Variants in NKIRAS1 observed in about 807,000 individuals in gnomAD.
NKIRAS1 encodes the protein NF-kappa-B inhibitor-interacting Ras-like protein 1.
In NKIRAS1, 16 loss-of-function variants were observed where a neutral mutation model predicts 19.8. That is an observed-to-expected ratio of 0.81 (90% CI 0.55 to 1.23). NKIRAS1 has a LOEUF of 1.23. NKIRAS1 is among the 50% of genes most tolerant of loss of function. NKIRAS1 has a pLI of 0.00. For synonymous variants in NKIRAS1, 88 were observed against 79.0 expected (o/e 1.11, Z -0.61); for missense variants, 184 against 220.0 (o/e 0.84, Z 1.04).
At chr3:23,936,138 T>C (rs926302866) in intron 1 of NKIRAS1, among the ~76,000 whole-genome samples, 6 of 125,086 alleles carry the variant, frequency 4.8e-5, no homozygotes, top group South Asian at 2.7e-4. Context: ...GTGATAAGCA[T>C]AATAGGAGTG....
intron 1 of NKIRAS1, among the ~76,000 whole-genome samples, chr3:23,934,268 A>G (rs1705359447): frequency 6.6e-6 from 1 of 152,116 alleles, no homozygotes; most frequent in Admixed American, 6.6e-5. Context: ...ATGTCATCTC[A>G]CCTTTCCTCA....
intron 3 of NKIRAS1, among the ~76,000 whole-genome samples, chr3:23,906,646 ATTTTT>A (rs11293534): frequency 1.8e-4 from 25 of 141,176 alleles, no homozygotes; most frequent in African/African-American, 6.0e-4. Flanking sequence ...CTTCCTTATG[ATTTTT>A]TTTTTTTTTT....
chr3:23,920,785 T>C (rs1705036076), upstream of NKIRAS1: 5 of 963,582 alleles, frequency 5.2e-6, no homozygotes, highest in Non-Finnish European at 4.9e-6. Context: ...TCTTAAGTCA[T>C]ACATTTTAAT....
At chr3:23,917,898 G>C, upstream of NKIRAS1, 1 of 1,612,790 alleles carries the variant, frequency 6.2e-7, no homozygotes, top group Non-Finnish European at 8.5e-7. Context: ...TATGGAGAAA[G>C]AAGCAGTCTG....
chr3:23,905,975 ATGG>A (rs1292146044), intron 3 of NKIRAS1, among the ~76,000 whole-genome samples: 7 of 152,026 alleles, frequency 4.6e-5, no homozygotes, highest in African/African-American at 1.7e-4. Context: ...CTGGAGCAAC[ATGG>A]TGAAACCCTG....
Position 23,926,276 on chromosome 3 carries a change from G to A in NKIRAS1, c.-139-14826C>T, listed in dbSNP as rs571155774. Among the ~76,000 whole-genome samples, 28 of 152,240 alleles carry A rather than the reference G, an allele frequency of 1.8e-4. No individual in the cohort carries two copies. The highest frequency in any genetic ancestry group is 5.8e-4 in the African/African-American group (24 of 41,550). The stretch of plus-strand genomic sequence containing the variant: ...CGTGTTGGCCAGGCTGGTCTCAAAC[G>A]CCTGACCTTAGGTGATCCACCTGCC... On this transcript the variant is annotated intron_variant, in intron 1 of 4. Transcript: ENST00000421515. This position sits in a 1 kb window ranked among gnomAD's most constrained non-coding sequence, Gnocchi z 4.3.
chr3:23,923,862 G>C (rs950783681), intron 1 of NKIRAS1: 2 of 152,192 alleles, frequency 1.3e-5, no homozygotes, highest in African/African-American at 2.4e-5. Flanking sequence ...CTGCCAGTCT[G>C]TTAGGGGGAA....
Position 23,891,112 on chromosome 3 carries a change from G to A in NKIRAS1, c.*1983C>T, listed in dbSNP as rs558574812. On this transcript the variant is annotated 3_prime_UTR_variant, in exon 5 of 5. Coordinates refer to ENST00000425478, the MANE Select transcript of NKIRAS1 (RefSeq NM_020345.4). ...ACACCATATAAGAGATGAGTAGTGC[G>A]TTTTATTTTATATGCCAATCTACTT... is the stretch of plus-strand genomic sequence containing the variant. 2.6e-5 allele frequency: 4 copies of A among 152,698 alleles called. No homozygotes were observed. Among genetic ancestry groups the A allele is most frequent in the Admixed American group, 2.0e-4 (3 of 15,292 alleles). The allele number at this position is 152,698 out of a possible 1,614,324, so 9.5% of individuals were successfully genotyped here.
chr3:23,919,066 C>A (rs970915734), upstream of NKIRAS1: 3 of 654,210 alleles, frequency 4.6e-6, no homozygotes, highest in African/African-American at 1.8e-5. Flanking sequence ...GGGAGAAATG[C>A]TTAGTAAATA....
In NKIRAS1 at chr3:23,893,329, A is replaced by C. The variant is rs539918987; in HGVS notation, c.345T>G (p.Ile115Met). 1.1e-5 allele frequency: 17 copies of C among 1,612,930 alleles called. No individual in the cohort carries two copies. In the South Asian group the frequency reaches 1.8e-4, roughly 17 times the overall value. Residue 115 changes from isoleucine to methionine, a missense_variant, in exon 5 of 5, where the codon ATT becomes ATG. Ile to Met is a conservative substitution (Grantham distance 10, BLOSUM62 1). Coordinates refer to ENST00000425478, the MANE Select transcript of NKIRAS1 (RefSeq NM_020345.4). ...DKFKDKKEVA[I>M]VVLGNKIDLS... ...GGTCGATTTTGTTTCCTAATACCAC[A>C]ATTGCTACCTGAAAGAAAACGGATT...
intron 1 of NKIRAS1, among the ~76,000 whole-genome samples, chr3:23,928,438 T>C (rs1364844904): frequency 6.6e-6 from 1 of 152,020 alleles, no homozygotes; most frequent in Non-Finnish European, 1.5e-5. Flanking sequence ...TAATTTACAT[T>C]CTTAATTCTG....
chr3:23,919,480 C>G (rs145762035), upstream of NKIRAS1: 17 of 1,584,148 alleles, frequency 1.1e-5, no homozygotes, highest in East Asian at 6.7e-5. Context: ...GCAATACTCT[C>G]CAGCTCCACC....
At chr3:23,908,947 G>A (rs1210969488) in intron 3 of NKIRAS1, among the ~76,000 whole-genome samples, 1 of 151,362 alleles carries the variant, frequency 6.6e-6, no homozygotes, top group Admixed American at 6.6e-5. Context: ...TCCCACCTTG[G>A]CCTCCCAAAG....
intron 1 of NKIRAS1, among the ~76,000 whole-genome samples, chr3:23,931,748 G>C (rs1705320989): frequency 6.6e-6 from 1 of 151,994 alleles, no homozygotes; most frequent in Non-Finnish European, 1.5e-5. Context: ...AAGAAAGGTA[G>C]AGAAGAAGGG....
At chr3:23,943,510 C>T (rs1350155010) in intron 1 of NKIRAS1, among the ~76,000 whole-genome samples, 1 of 152,302 alleles carries the variant, frequency 6.6e-6, no homozygotes, top group Non-Finnish European at 1.5e-5. Context: ...GGATTACAGG[C>T]GTCAGCCCCC....
At chr3:23,910,299 G>A (rs1703555327) in intron 3 of NKIRAS1, among the ~76,000 whole-genome samples, 1 of 151,230 alleles carries the variant, frequency 6.6e-6, no homozygotes, top group South Asian at 2.1e-4. Flanking sequence ...CAGGATTACA[G>A]CCACCTGCTA....
chr3:23,945,866 G>T (rs1221556435), intron 1 of NKIRAS1, among the ~76,000 whole-genome samples: 1 of 150,622 alleles, frequency 6.6e-6, no homozygotes, highest in Admixed American at 6.6e-5. Context: ...CCACGTGCGC[G>T]CTGTGTTTAC....
chr3:23,914,440 G>A (rs1704092220), intron 1 of NKIRAS1, among the ~76,000 whole-genome samples: 1 of 152,136 alleles, frequency 6.6e-6, no homozygotes, highest in Non-Finnish European at 1.5e-5. Context: ...CACCTACACT[G>A]TGTATTTACT....
chr3:23,935,211 T>TA (rs11373254), intron 1 of NKIRAS1, among the ~76,000 whole-genome samples: 93,118 of 150,296 alleles, frequency 0.62, 29,070 homozygotes, highest in Middle Eastern at 0.7. Flanking sequence ...ATATTATTGT[T>TA]AAAAAAAAAC....
Sources: allele counts gnomAD v4.1 joint callset (sites outside exome capture counted in the v4.1 genomes callset), GRCh38; gene constraint gnomAD v4.1.1; non-coding constraint Gnocchi (gnomAD v3.1); transcripts MANE v1.5; gene names NCBI Gene and HGNC (gene_info 2026-07-23, HGNC 2026-07-21).